PCDHA2: variants seen among roughly 807,000 people sequenced by gnomAD.
PCDHA2 encodes protocadherin alpha 2.
A neutral mutation model predicts 66.0 loss-of-function variants in PCDHA2; 58 were observed. The observed-to-expected ratio is 0.88, with a 90% CI of 0.71 to 1.09. The LOEUF (loss-of-function observed/expected upper bound fraction) is 1.09, where lower values mean the gene tolerates loss of function less well. Ranked by LOEUF, PCDHA2 falls within the 50% of genes least tolerant of loss-of-function variation. The pLI is 0.00. For missense variants in PCDHA2, 1,267 were observed against 1,242.3 expected, an observed-to-expected ratio of 1.02 and a Z score of -0.30; for synonymous variants, 634 against 554.0, an observed-to-expected ratio of 1.14 and a Z score of -2.03.
At chr5:140,846,050 C>T (rs2150384063) in intron 1 of PCDHA2, among the ~76,000 whole-genome samples, 1 of 149,776 alleles carries the variant, frequency 6.7e-6, no homozygotes, top group African/African-American at 2.4e-5. Flanking sequence ...GTTAACACCA[C>T]CTATGTGGGA....
At chr5:140,958,923 T>C (rs535689053) in intron 1 of PCDHA2, among the ~76,000 whole-genome samples, 1 of 148,814 alleles carries the variant, frequency 6.7e-6, no homozygotes, top group South Asian at 2.1e-4. Flanking sequence ...CTGGGTGTGG[T>C]GGCTCATACT....
intron 2 of PCDHA2, among the ~76,000 whole-genome samples, chr5:140,980,721 A>G (rs1219290542): frequency 3.9e-5 from 6 of 152,202 alleles, no homozygotes; most frequent in African/African-American, 1.2e-4. Flanking sequence ...TTCGGGTTTC[A>G]ATTAAGATAT....
chr5:140,856,327 G>C, intron 1 of PCDHA2: 1 of 1,598,708 alleles, frequency 6.3e-7, no homozygotes, highest in Non-Finnish European at 8.6e-7. Flanking sequence ...ACCGCGAGGA[G>C]CTGTGCGGGC....
At chr5:140,863,138 T>C (rs781967810) in intron 1 of PCDHA2, 2 of 604,914 alleles carry the variant, frequency 3.3e-6, no homozygotes, top group Non-Finnish European at 6.4e-6. Context: ...CGCCTGCTGG[T>C]GCTGGTGAAG....
chr5:140,979,020 C>T lies in PCDHA2; in HGVS notation c.2447+13C>T. The T allele has an allele frequency of 6.2e-7, 1 of 1,613,708 alleles. No individual in the cohort carries two copies. Among genetic ancestry groups the T allele is most frequent in the Non-Finnish European group, 8.5e-7 (1 of 1,179,840 alleles). On this transcript the variant is annotated intron_variant, in intron 2 of 3. Transcript: ENST00000526136. ...CAGGCATGCACAGGTATGTATTTCC[C>T]TCCTCATTCACTCAGAAGTAACCTT...
At chr5:140,877,205 G>A in intron 1 of PCDHA2, 1 of 1,613,824 alleles carries the variant, frequency 6.2e-7, no homozygotes, top group South Asian at 1.1e-5. Flanking sequence ...GGCGCAGTTA[G>A]CGAGTTGGTA....
chr5:140,797,470 G>A (rs1420055118), intron 1 of PCDHA2, 118 bp downstream of exon 1: 4 of 1,218,758 alleles, frequency 3.3e-6, no homozygotes, highest in Non-Finnish European at 4.6e-6. Context: ...ATCCTACCGT[G>A]CGATTTTGAA....
intron 1 of PCDHA2, chr5:140,875,379 G>A: frequency 1.4e-6 from 2 of 1,459,474 alleles, no homozygotes; most frequent in Non-Finnish European, 1.8e-6. Flanking sequence ...TACTAAATAT[G>A]TACTTACAGA....
intron 1 of PCDHA2, among the ~76,000 whole-genome samples, chr5:140,914,914 G>A (rs2076876381): frequency 7.0e-6 from 1 of 143,682 alleles, no homozygotes; most frequent in African/African-American, 2.6e-5. Context: ...GTTTCTCTGT[G>A]TCTTATTGTA....
Position 140,795,045 on chromosome 5 carries a change from GA to G in PCDHA2, c.82del (p.Ser28AlafsTer50). 15 of 1,613,876 alleles carry G rather than the reference GA, an allele frequency of 9.3e-6. No homozygotes were observed. Among genetic ancestry groups the G allele is most frequent in the Non-Finnish European group, 1.3e-5 (15 of 1,180,002 alleles). On this transcript the variant is annotated frameshift_variant, in exon 1 of 4. Coordinates refer to ENST00000526136, the MANE Select transcript of PCDHA2 (RefSeq NM_018905.3). LOFTEE classifies it high-confidence loss of function. ...TGCTCCTCGCAGCCTGGGAGGTGGG[GA>G]GCGGCCAGCTCCGCTACTCCGTCCC... ...LLLLAAWEVG[S>X]GQLRYSVPEE...
At position 140,869,042 on chromosome 5, in the gene PCDHA2, A is replaced by G. The variant is rs74567119; in HGVS notation, c.2388+71690A>G. On this transcript the variant is annotated intron_variant, in intron 1 of 3. Transcript: ENST00000526136. The stretch of plus-strand genomic sequence containing the variant: ...GAATTCAACGAGATTTTTAACCTGA[A>G]ACTGAAGAATCTGGTACTGTAAGTG... The G allele has an allele frequency of 9.2e-4, 1,413 of 1,529,994 alleles. 13 individuals are homozygous for G. The African/African-American group carries it at 0.016, about 18-fold the overall frequency. The allele number at this position is 1,529,994 out of a possible 1,614,324, so 94.8% of individuals were successfully genotyped here.
rs2098422979 is a variant in PCDHA2, at chr5:141,012,116, T to C, written c.*2179T>C. The C allele has an allele frequency of 6.5e-6, 1 of 153,756 alleles. No individual in the cohort carries two copies. Among genetic ancestry groups the C allele is most frequent in the African/African-American group, 2.4e-5 (1 of 41,464 alleles). The allele number at this position is 153,756 out of a possible 1,614,324, so 9.5% of individuals were successfully genotyped here. ...GATCATTTTGCCCCACTGAAGCCCA[T>C]GTATCTGACCTTACGTGCCTTTTGA... On this transcript the variant is annotated 3_prime_UTR_variant, in exon 4 of 4. Coordinates refer to ENST00000526136, the MANE Select transcript of PCDHA2 (RefSeq NM_018905.3).
At chr5:140,824,610 G>GTTTTTTTTTTTTTTTTTTTTTTT (rs782443702) in intron 1 of PCDHA2, 2 of 95,112 alleles carry the variant, frequency 2.1e-5, no homozygotes, top group African/African-American at 4.9e-5. Flanking sequence ...GCTAATTAAA[G>GTTTTTTTTTTTTTTTTTTTTTTT]TTTTTTTTTT....
intron 3 of PCDHA2, among the ~76,000 whole-genome samples, chr5:140,993,515 G>T (rs1351377291): frequency 6.7e-6 from 1 of 149,364 alleles, no homozygotes; most frequent in East Asian, 1.9e-4. Context: ...CACACGGGGA[G>T]AGAGAGACAG....
chr5:140,823,034 A>T (rs199730763), intron 1 of PCDHA2: 48 of 1,614,070 alleles, frequency 3.0e-5, no homozygotes, highest in Non-Finnish European at 8.5e-7. Context: ...GTGTCGGTCT[A>T]TGAGCTGGTG....
chr5:140,980,428 G>A (rs868912779), intron 2 of PCDHA2, among the ~76,000 whole-genome samples: 5 of 152,028 alleles, frequency 3.3e-5, no homozygotes, highest in Admixed American at 2.6e-4. Flanking sequence ...TCAAGAGATC[G>A]AGACCATCCT....
At chr5:140,863,396 G>C (rs782335492) in intron 1 of PCDHA2, 1 of 872,572 alleles carries the variant, frequency 1.1e-6, no homozygotes, top group Non-Finnish European at 1.8e-6. Context: ...TGCATGCCGG[G>C]CAAGCCCACG....
At chr5:140,942,105 A>G (rs572263085) in intron 1 of PCDHA2, among the ~76,000 whole-genome samples, 2 of 152,344 alleles carry the variant, frequency 1.3e-5, no homozygotes, top group South Asian at 2.1e-4. Context: ...CATTCATATA[A>G]TCAAACTTTA....
At chr5:140,967,730 G>A (rs2096176474) in intron 1 of PCDHA2, 1 of 1,614,146 alleles carries the variant, frequency 6.2e-7, no homozygotes, top group Non-Finnish European at 8.5e-7. Context: ...AGTAATTGGG[G>A]GGCTGGATTA....
Sources: allele counts gnomAD v4.1 joint callset (sites outside exome capture counted in the v4.1 genomes callset), GRCh38; gene constraint gnomAD v4.1.1; transcripts MANE v1.5; gene names NCBI Gene and HGNC (gene_info 2026-07-23, HGNC 2026-07-21).